CACNA1A: variants seen among roughly 807,000 people sequenced by gnomAD.
CACNA1A encodes calcium voltage-gated channel subunit alpha1 A.
In CACNA1A, 57 loss-of-function variants were observed where a neutral mutation model predicts 262.4. The observed-to-expected ratio is 0.22, with a 90% confidence interval of 0.18 to 0.27. The LOEUF is 0.27. CACNA1A is among the 10% of genes least tolerant of loss of function. The pLI, the probability that CACNA1A is intolerant of heterozygous loss-of-function variation, is 1.00. For synonymous variants in CACNA1A, 1,431 were observed against 1,419.3 expected (o/e 1.01, Z -0.18); for missense variants, 2,526 against 3,562.8 (o/e 0.71, Z 7.41).
At chr19:13,410,656 G>C (rs1272703653) in intron 3 of CACNA1A, among the ~76,000 whole-genome samples, 1 of 150,660 alleles carries the variant, frequency 6.6e-6, no homozygotes, top group Non-Finnish European at 1.5e-5. Flanking sequence ...AAAAGAGCTA[G>C]TAGTAATCCT....
chr19:13,317,428 T>G, intron 10 of CACNA1A, 107 bp from the exon 11 acceptor site: 3 of 896,394 alleles, frequency 3.3e-6, no homozygotes, highest in African/African-American at 1.7e-5. Context: ...CATTAGTCTC[T>G]CCAGCAAGCC....
At chr19:13,398,720 T>C (rs2059849667) in intron 3 of CACNA1A, among the ~76,000 whole-genome samples, 2 of 152,236 alleles carry the variant, frequency 1.3e-5, no homozygotes, top group Admixed American at 6.5e-5. Flanking sequence ...TGGAGAATTA[T>C]ATAAAAGCTC....
rs2057333004 is a variant in CACNA1A at position 13,283,392 on chromosome 19, G to A, written c.3697C>T (p.Arg1233Cys). The A allele has an allele frequency of 6.2e-7, 1 of 1,613,902 alleles. No homozygotes were observed. Among genetic ancestry groups the A allele is most frequent in the Non-Finnish European group, 8.5e-7 (1 of 1,179,810 alleles). ...MFILSTTNPL[R>C]RLCHYILNLR... ...TTCAGGATGTAATGGCACAGGCGGC[G>A]AAGGCTGTTGGAGACAGATGGGCGT... is the stretch of plus-strand genomic sequence containing the variant. Residue 1233 changes from arginine to cysteine, a missense_variant, in exon 22 of 47, where the codon CGC becomes TGC. Physicochemically the swap from Arg to Cys is radical, Grantham distance 180 (BLOSUM62 -3). Coordinates refer to ENST00000360228, the MANE Select transcript of CACNA1A (RefSeq NM_001127222.2).
chr19:13,324,786 A>G (rs2058322043), intron 10 of CACNA1A, among the ~76,000 whole-genome samples: 1 of 152,094 alleles, frequency 6.6e-6, no homozygotes, highest in Non-Finnish European at 1.5e-5. Context: ...AGCTGGGAGG[A>G]TCGCCTGAGC....
Position 13,298,577 on chromosome 19 carries a change from C to T in CACNA1A, c.3056G>A (p.Arg1019Lys). ...CCGATGCCTCCGCTCCTTGTCCTCC[C>T]TCCGCGCGTCCCCCTCGTACGTGGC... ...APATYEGDARREDKERRHRRR... is the reference protein window; with the variant it reads ...APATYEGDARKEDKERRHRRR... The change falls in exon 19 of 47, where the codon AGG becomes AAG. Residue 1019 changes from arginine to lysine, a missense_variant. Physicochemically the swap from Arg to Lys is conservative, Grantham distance 26. Around this residue, in one of 17 missense-constraint regions of CACNA1A, gnomAD observed 765 missense variants for 748.6 expected, o/e 1.02. Coordinates refer to ENST00000360228, the MANE Select transcript of CACNA1A (RefSeq NM_001127222.2). 1 of 1,543,216 alleles carries T rather than the reference C, an allele frequency of 6.5e-7. No homozygotes were observed. The highest frequency in any genetic ancestry group is 8.7e-7 in the Non-Finnish European group (1 of 1,142,960).
chr19:13,497,813 G>A (rs906782722), intron 1 of CACNA1A, among the ~76,000 whole-genome samples: 1 of 151,244 alleles, frequency 6.6e-6, no homozygotes, highest in African/African-American at 2.4e-5. Context: ...GTGCTTTCTG[G>A]GTACAGTATC....
intron 3 of CACNA1A, among the ~76,000 whole-genome samples, chr19:13,446,489 T>C (rs2060816109): frequency 6.9e-6 from 1 of 144,694 alleles, no homozygotes; most frequent in Non-Finnish European, 1.5e-5. Context: ...TCATCCAGGA[T>C]GGAGTGCAGT....
chr19:13,210,675 T>C, intron 43 of CACNA1A, 23 bp from the exon 44 acceptor site: 3 of 1,558,014 alleles, frequency 1.9e-6, no homozygotes, highest in Non-Finnish European at 1.7e-6. Context: ...CATGGGATGG[T>C]GCACACAGAA....
Position 13,497,574 on chromosome 19 carries a change from AT to A in CACNA1A, c.293+8357del, listed in dbSNP as rs1568710131. Among the ~76,000 whole-genome samples, 88 of 40,772 alleles carry A rather than the reference AT, an allele frequency of 2.2e-3. 24 individuals carry two copies. The highest frequency in any genetic ancestry group is 2.6e-3 in the African/African-American group (28 of 10,918). 26.7% of individuals were successfully genotyped at this position (40,772 alleles called of 152,430 possible). On this transcript the variant is annotated intron_variant, in intron 1 of 46. Coordinates refer to ENST00000360228, the MANE Select transcript of CACNA1A (RefSeq NM_001127222.2). Reference sequence around the variant, plus strand: ...TATATATATATATATATATATATATATATATAAATTTATGTTGTTAAAGCTG... The same window carrying A: ...TATATATATATATATATATATATATAATATAAATTTATGTTGTTAAAGCTG...
intron 1 of CACNA1A, among the ~76,000 whole-genome samples, chr19:13,478,627 A>G (rs1389757132): frequency 1.3e-5 from 2 of 152,186 alleles, no homozygotes; most frequent in Admixed American, 1.3e-4. Context: ...TAAAGGATTT[A>G]TAAGGGTTCA....
At chr19:13,385,584 C>T (rs2059597978) in intron 3 of CACNA1A, among the ~76,000 whole-genome samples, 1 of 152,174 alleles carries the variant, frequency 6.6e-6, no homozygotes, top group South Asian at 2.1e-4. Flanking sequence ...GACTCAAACT[C>T]CCAGTCTCAT....
intron 1 of CACNA1A, among the ~76,000 whole-genome samples, chr19:13,461,508 T>C (rs1265598544): frequency 1.3e-5 from 2 of 152,178 alleles, no homozygotes; most frequent in African/African-American, 4.8e-5. Context: ...AAATATGCAA[T>C]GATGTACTTG....
chr19:13,372,541 G>A (rs7256579), intron 3 of CACNA1A, among the ~76,000 whole-genome samples: 56,628 of 151,958 alleles, frequency 0.37, 11,330 homozygotes, highest in African/African-American at 0.52. Context: ...CATGGGTTCA[G>A]ATCCCAGATC....
At chr19:13,239,929 T>C (rs916506355) in intron 31 of CACNA1A, among the ~76,000 whole-genome samples, 13 of 151,782 alleles carry the variant, frequency 8.6e-5, no homozygotes, top group African/African-American at 3.1e-4. Context: ...GGCGGGTGCA[T>C]CACTTGAGGT....
intron 6 of CACNA1A, among the ~76,000 whole-genome samples, chr19:13,343,643 C>T (rs901828171): frequency 1.3e-5 from 2 of 151,954 alleles, no homozygotes; most frequent in East Asian, 3.8e-4. Flanking sequence ...CTCAGACTAC[C>T]GTGGGATAAA....
chr19:13,259,083 GCCA>G (rs2056650054), intron 27 of CACNA1A: 1 of 150,990 alleles, frequency 6.6e-6, no homozygotes, highest in Non-Finnish European at 1.5e-5. Flanking sequence ...ACAGGTATGA[GCCA>G]CCACAAGTGG....
chr19:13,469,791 A>G (rs1219821488), intron 1 of CACNA1A, among the ~76,000 whole-genome samples: 1 of 151,276 alleles, frequency 6.6e-6, no homozygotes, highest in Non-Finnish European at 1.5e-5. Flanking sequence ...CTCCCAGCTC[A>G]CTAACTCCCT....
At chr19:13,303,928 C>T in intron 15 of CACNA1A, 44 bp from the exon 16 acceptor site, 1 of 1,380,776 alleles carries the variant, frequency 7.2e-7, no homozygotes, top group Non-Finnish European at 1.0e-6. Context: ...CCCTCTCAGC[C>T]ACGGGCCCCT....
chr19:13,329,009 A>G lies in CACNA1A; in HGVS notation c.1345+1235T>C, dbSNP rs143472027. ...GCAGCCTAAATTCCTTCTCCCCTCA[A>G]TCTTATTCCAGTCTTATTTCCTCTG... On this transcript the variant is annotated intron_variant, in intron 10 of 46. Transcript: ENST00000360228. Among the ~76,000 whole-genome samples the G allele has an allele frequency of 1.2e-4, 18 of 151,848 alleles. No individual in the cohort carries two copies. In the East Asian group the frequency reaches 3.5e-3, roughly 29 times the overall value.
Sources: gnomAD v4.1 joint callset for allele counts (sites outside exome capture counted in the v4.1 genomes callset) on GRCh38, gnomAD v4.1.1 for gene constraint, gnomAD v4.1.1 regional missense constraint, MANE v1.5 for transcripts, NCBI Gene and HGNC (gene_info 2026-07-23, HGNC 2026-07-21) for gene names.